Variants in TENM4 observed in about 807,000 individuals in gnomAD.
The protein encoded by TENM4 is teneurin-4.
TENM4 carries 82 observed loss-of-function variants against 243.3 expected under a neutral mutation model. The observed-to-expected ratio is 0.34, with a 90% CI of 0.28 to 0.40. The LOEUF is 0.40. Among genes scored for constraint, TENM4 ranks in the 10% least tolerant of loss-of-function variants. The pLI, the probability that TENM4 is intolerant of heterozygous loss-of-function variation, is 1.00. For synonymous variants in TENM4, 1,412 were observed against 1,456.3 expected (o/e 0.97, Z 0.69); for missense variants, 3,138 against 3,673.3 (o/e 0.85, Z 3.77).
chr11:79,034,368 T>A (rs952192676), intron 6 of TENM4, among the ~76,000 whole-genome samples: 6 of 152,162 alleles, frequency 3.9e-5, no homozygotes, highest in African/African-American at 1.4e-4. Flanking sequence ...ATTTGTAGCA[T>A]CCTTAACTAG....
chr11:79,386,878 A>G (rs1479434155), intron 1 of TENM4, among the ~76,000 whole-genome samples: 1 of 152,154 alleles, frequency 6.6e-6, no homozygotes, highest in African/African-American at 2.4e-5. Flanking sequence ...TTACTAAATC[A>G]GAACAGATAC....
chr11:79,369,689 A>T lies in TENM4; in HGVS notation c.-321+70820T>A, dbSNP rs918683150. Among the ~76,000 whole-genome samples the T allele has an allele frequency of 1.1e-4, 16 of 152,292 alleles. 1 individual carries two copies. Among genetic ancestry groups the T allele is most frequent in the Admixed American group, 9.8e-4 (15 of 15,304 alleles). ...CACTCATCCAACCATCCCTCTGTCC[A>T]TCCTACAAGCTCTTCCCTCTCTACC... On this transcript the variant is annotated intron_variant, in intron 1 of 33. Transcript: ENST00000278550.
At chr11:78,963,109 G>A (rs561245120) in intron 6 of TENM4, among the ~76,000 whole-genome samples, 45 of 152,234 alleles carry the variant, frequency 3.0e-4, no homozygotes, top group African/African-American at 1.1e-3. Flanking sequence ...AATTCTAGGG[G>A]GTCTCACATA....
At chr11:79,301,877 G>A (rs538785231) in intron 1 of TENM4, among the ~76,000 whole-genome samples, 2 of 152,252 alleles carry the variant, frequency 1.3e-5, no homozygotes, top group East Asian at 3.9e-4. Context: ...AGTTTCCTGA[G>A]GTCTCCCCAG....
At chr11:79,261,782 C>G (rs977163819) in intron 2 of TENM4, among the ~76,000 whole-genome samples, 3 of 152,308 alleles carry the variant, frequency 2.0e-5, no homozygotes, top group African/African-American at 7.2e-5. Context: ...GTGGCTTCTT[C>G]CTCTGCAGCC....
Position 79,354,597 on chromosome 11 carries a change from A to C in TENM4, c.-320-57054T>G, listed in dbSNP as rs549769491. ...CTGGTGATTTTTACTTAGAAAAGAA[A>C]GACTCAGTGGTGACCCATCAGCCTG... On this transcript the variant is annotated intron_variant, in intron 1 of 33. Coordinates refer to ENST00000278550, the MANE Select transcript of TENM4 (RefSeq NM_001098816.3). Among the ~76,000 whole-genome samples the C allele has an allele frequency of 6.6e-5, 10 of 152,336 alleles. No homozygotes were observed. In the East Asian group the frequency reaches 1.9e-3, roughly 29 times the overall value.
chr11:79,178,847 AC>A (rs1482893090), intron 3 of TENM4, among the ~76,000 whole-genome samples: 2 of 152,160 alleles, frequency 1.3e-5, no homozygotes, highest in Non-Finnish European at 2.9e-5. Flanking sequence ...AAGCCACCAA[AC>A]TTTTATTTTT....
At chr11:78,717,675 G>C (rs1400325867) in intron 25 of TENM4, among the ~76,000 whole-genome samples, 1 of 152,214 alleles carries the variant, frequency 6.6e-6, no homozygotes, top group African/African-American at 2.4e-5. Context: ...TTTAAGCAAA[G>C]CTGGTTCCTT....
At chr11:78,888,870 C>T (rs1855602013) in intron 9 of TENM4, among the ~76,000 whole-genome samples, 1 of 152,218 alleles carries the variant, frequency 6.6e-6, no homozygotes, top group Non-Finnish European at 1.5e-5. Context: ...CTTTGAATTA[C>T]AGGAAAGGAC....
chr11:79,236,158 C>T (rs1043305067), intron 2 of TENM4, among the ~76,000 whole-genome samples: 52 of 152,040 alleles, frequency 3.4e-4, no homozygotes, highest in East Asian at 1.9e-4. Flanking sequence ...TACCTGATAC[C>T]GTATGGAAAA....
At chr11:79,246,723 G>A (rs1855522830) in intron 2 of TENM4, among the ~76,000 whole-genome samples, 1 of 152,134 alleles carries the variant, frequency 6.6e-6, no homozygotes, top group Admixed American at 6.5e-5. Context: ...CAGCTGGGTT[G>A]TCTGGATACA....
chr11:78,788,027 G>GATTC (rs1856976126), intron 15 of TENM4, among the ~76,000 whole-genome samples: 1 of 152,218 alleles, frequency 6.6e-6, no homozygotes, highest in African/African-American at 2.4e-5. Flanking sequence ...AGACTGACTT[G>GATTC]ATTCTCATGC....
chr11:78,893,651 A>T (rs1855718028), intron 7 of TENM4, among the ~76,000 whole-genome samples: 1 of 152,002 alleles, frequency 6.6e-6, no homozygotes, highest in Non-Finnish European at 1.5e-5. Flanking sequence ...TCCTGAAAAT[A>T]TCTTCATGGA....
At chr11:78,719,245 T>A (rs1444526282) in intron 25 of TENM4, among the ~76,000 whole-genome samples, 1 of 152,060 alleles carries the variant, frequency 6.6e-6, no homozygotes, top group Non-Finnish European at 1.5e-5. Flanking sequence ...GGAGCTTCAG[T>A]TTTCTCATCT....
In TENM4 at chr11:78,991,904, C is replaced by T. The variant is rs559025956; in HGVS notation, c.493+72834G>A. Reference sequence around the variant, plus strand: ...CTGGTGGAGGTGGCTGGGATGGGAACAGGAGGGGTGGCAGGAAACCCCATT... The same window carrying T: ...CTGGTGGAGGTGGCTGGGATGGGAATAGGAGGGGTGGCAGGAAACCCCATT... On this transcript the variant is annotated intron_variant, in intron 6 of 33. Transcript: ENST00000278550. Among the ~76,000 whole-genome samples the T allele has an allele frequency of 4.6e-5, 7 of 152,234 alleles. No homozygotes were observed. In the East Asian group the frequency reaches 1.2e-3, roughly 25 times the overall value.
At chr11:78,834,667 G>A (rs73498573) in intron 12 of TENM4, among the ~76,000 whole-genome samples, 4,905 of 152,202 alleles carry the variant, frequency 0.032, 260 homozygotes, top group African/African-American at 0.11. Flanking sequence ...AATTCAGTTG[G>A]TACTTATTTC....
chr11:78,998,021 C>T (rs1332442333), intron 6 of TENM4, among the ~76,000 whole-genome samples: 2 of 152,176 alleles, frequency 1.3e-5, no homozygotes, highest in Non-Finnish European at 2.9e-5. Flanking sequence ...AGAACGTATG[C>T]CCTCACCAAA....
rs1347431 is a variant in TENM4 at position 78,949,862 on chromosome 11, A to G, written c.494-46339T>C. Among the ~76,000 whole-genome samples the G allele has an allele frequency of 4.3e-3, 658 of 152,274 alleles. 5 individuals are homozygous for G. The highest frequency in any genetic ancestry group is 0.015 in the African/African-American group (622 of 41,556). On this transcript the variant is annotated intron_variant, in intron 6 of 33. Transcript: ENST00000278550. ...GAAAGCACAGTACAGAACTGGGTGC[A>G]GGGGGAGGTGGGAAGTCAGGAATGA...
At chr11:79,353,987 G>A (rs568174706) in intron 1 of TENM4, among the ~76,000 whole-genome samples, 1 of 152,304 alleles carries the variant, frequency 6.6e-6, no homozygotes, top group East Asian at 1.9e-4. Flanking sequence ...TCTTACAGAA[G>A]AATTTTGCCA....
Sources: gnomAD v4.1 joint callset for allele counts (sites outside exome capture counted in the v4.1 genomes callset) on GRCh38, gnomAD v4.1.1 for gene constraint, MANE v1.5 for transcripts, NCBI Gene and HGNC (gene_info 2026-07-23, HGNC 2026-07-21) for gene names.